Variants in PRKCI observed in about 807,000 individuals in gnomAD.
PRKCI encodes the protein protein kinase C iota, also known as protein kinase C iota type.
Under a neutral mutation model 84.0 loss-of-function variants are expected in PRKCI, and 43 were observed. The ratio of observed to expected loss-of-function variants is 0.51; its 90% CI spans 0.40 to 0.66. The LOEUF (loss-of-function observed/expected upper bound fraction) is 0.66, where lower values mean the gene tolerates loss of function less well. Ranked by LOEUF, PRKCI falls within the 30% of genes least tolerant of loss-of-function variation. PRKCI has a pLI of 0.00. For synonymous variants in PRKCI, 216 were observed against 234.4 expected (o/e 0.92, Z 0.72); for missense variants, 459 against 745.6 (o/e 0.62, Z 4.48).
intron 3 of PRKCI, 119 bp downstream of exon 3, chr3:170,260,177 C>A: frequency 1.6e-6 from 1 of 621,726 alleles, no homozygotes; most frequent in Non-Finnish European, 2.7e-6. Context: ...GTGACTCATG[C>A]CTAAGTAATT....
At chr3:170,241,044 CT>C (rs1204602688) in intron 2 of PRKCI, among the ~76,000 whole-genome samples, 1 of 151,632 alleles carries the variant, frequency 6.6e-6, no homozygotes, top group African/African-American at 2.4e-5. Flanking sequence ...GTTTTCAGTT[CT>C]TTTTTTTAAA....
chr3:170,295,811 C>G, intron 14 of PRKCI, 100 bp from the exon 15 acceptor site: 1 of 619,556 alleles, frequency 1.6e-6, no homozygotes, highest in Non-Finnish European at 2.5e-6. Flanking sequence ...CATCACTGCA[C>G]TCCAACCTGG....
chr3:170,282,843 A>T (rs1036019072), intron 11 of PRKCI, among the ~76,000 whole-genome samples: 5 of 152,010 alleles, frequency 3.3e-5, no homozygotes, highest in African/African-American at 1.2e-4. Flanking sequence ...GCAGTGGCTC[A>T]TGCCTGTAAT....
intron 8 of PRKCI, among the ~76,000 whole-genome samples, chr3:170,275,959 G>T (rs1734104021): frequency 6.8e-6 from 1 of 146,606 alleles, no homozygotes; most frequent in Non-Finnish European, 1.5e-5. Context: ...TTTGAGTTGG[G>T]GTCTTGCTGT....
At chr3:170,258,995 G>A (rs552892335) in intron 2 of PRKCI, among the ~76,000 whole-genome samples, 1 of 152,122 alleles carries the variant, frequency 6.6e-6, no homozygotes, top group East Asian at 1.9e-4. Context: ...ACTGTGGTCA[G>A]TAGCCAGGCA....
intron 12 of PRKCI, among the ~76,000 whole-genome samples, chr3:170,289,112 TCA>T: frequency 6.6e-6 from 1 of 152,332 alleles, no homozygotes; most frequent in African/African-American, 2.4e-5. Context: ...ATTCTGACAT[TCA>T]GTCAACAAGT....
chr3:170,251,913 AAAAAG>A (rs1326376013), intron 2 of PRKCI, among the ~76,000 whole-genome samples: 1 of 151,050 alleles, frequency 6.6e-6, no homozygotes, highest in Non-Finnish European at 1.5e-5. Flanking sequence ...CTCAAAAAAA[AAAAAG>A]AAATTAGGAA....
intron 13 of PRKCI, among the ~76,000 whole-genome samples, chr3:170,292,990 G>A (rs1225448713): frequency 2.0e-5 from 3 of 148,762 alleles, no homozygotes; most frequent in African/African-American, 5.0e-5. Context: ...GCAGTGAGCC[G>A]AGATTGCACC....
chr3:170,261,277 A>T (rs1733719651), intron 3 of PRKCI, among the ~76,000 whole-genome samples: 1 of 151,668 alleles, frequency 6.6e-6, no homozygotes, highest in South Asian at 2.1e-4. Flanking sequence ...GAACCTCTTA[A>T]TATACTGCAT....
chr3:170,225,556 T>C (rs1577335443), intron 1 of PRKCI, among the ~76,000 whole-genome samples: 1 of 151,700 alleles, frequency 6.6e-6, no homozygotes, highest in Non-Finnish European at 1.5e-5. Context: ...CCTCTATCCC[T>C]CTACACTTTT....
At chr3:170,260,394 AATG>A (rs1384802633) in intron 3 of PRKCI, among the ~76,000 whole-genome samples, 3 of 152,236 alleles carry the variant, frequency 2.0e-5, no homozygotes, top group Non-Finnish European at 4.4e-5. Flanking sequence ...GTATACAAAT[AATG>A]ACCTCCAAAG....
At position 170,243,712 on chromosome 3, in the gene PRKCI, G is replaced by A. The variant is rs192206988; in HGVS notation, c.223+8361G>A. ...AGGAAATTGATTCCTTTTAAAAACT[G>A]TCTATGCCTGTTAGTCCCTGAAAAG... On this transcript the variant is annotated intron_variant, in intron 2 of 17. Coordinates refer to ENST00000295797, the MANE Select transcript of PRKCI (RefSeq NM_002740.6). 3.3e-5 allele frequency among the ~76,000 whole-genome samples: 5 copies of A among 152,336 alleles called. No individual in the cohort carries two copies. The East Asian group carries it at 7.7e-4, about 23-fold the overall frequency.
At chr3:170,234,999 T>C (rs1417583242) in intron 1 of PRKCI, among the ~76,000 whole-genome samples, 1 of 151,874 alleles carries the variant, frequency 6.6e-6, no homozygotes, top group African/African-American at 2.4e-5. Context: ...AGGCTGGTCT[T>C]GAGCTCCTGG....
intron 2 of PRKCI, among the ~76,000 whole-genome samples, chr3:170,248,922 A>G (rs1248823671): frequency 1.3e-5 from 2 of 150,268 alleles, no homozygotes; most frequent in African/African-American, 2.5e-5. Context: ...ATCTCAGTTC[A>G]CTGCAAGCTC....
intron 1 of PRKCI, among the ~76,000 whole-genome samples, chr3:170,225,934 A>T (rs1265473957): frequency 1.3e-5 from 2 of 151,194 alleles, no homozygotes; most frequent in Admixed American, 1.3e-4. Flanking sequence ...TTTTTTGGAG[A>T]TGGAGTCTCG....
In PRKCI at chr3:170,280,403, G is replaced by C; in HGVS notation, c.882G>C (p.Glu294Asp). ...VVKKELVNDD[E>D]DIDWVQTEKH... ...AAAAAGAGCTTGTTAATGATGATGAGGTAAGCACTGCATATTTTATTGCTT... is the reference window on the plus strand; with the variant it reads ...AAAAAGAGCTTGTTAATGATGATGACGTAAGCACTGCATATTTTATTGCTT... Residue 294 changes from glutamate to aspartate, a missense_variant and splice_region_variant, in exon 9 of 18, where the codon GAG becomes GAC. By Grantham distance (45) the Glu-to-Asp change is conservative. Around this residue, in one of 2 missense-constraint regions of PRKCI, gnomAD observed 209 missense variants for 425.9 expected, o/e 0.49. Coordinates refer to ENST00000295797, the MANE Select transcript of PRKCI (RefSeq NM_002740.6). The C allele has an allele frequency of 6.2e-7, 1 of 1,607,868 alleles. No individual in the cohort carries two copies. Among genetic ancestry groups the C allele is most frequent in the Non-Finnish European group, 8.5e-7 (1 of 1,176,842 alleles).
At chr3:170,244,611 G>C (rs1031195834) in intron 2 of PRKCI, among the ~76,000 whole-genome samples, 3 of 152,142 alleles carry the variant, frequency 2.0e-5, no homozygotes, top group African/African-American at 4.8e-5. Flanking sequence ...CCAGGGAAAA[G>C]CTTCCCCATT....
chr3:170,301,751 A>G (rs981255645), intron 17 of PRKCI, among the ~76,000 whole-genome samples: 1 of 152,096 alleles, frequency 6.6e-6, no homozygotes, highest in Admixed American at 6.5e-5. Flanking sequence ...TCAGCCTCCT[A>G]ATTGATCTTT....
rs769677555 is a variant in PRKCI at position 170,275,305 on chromosome 3, A to C, written c.705+18A>C. ...AAAAAGAGGTAAGATAATTTGTCTT[A>C]TTGTACATTATATCATTAGCTTTTT... On this transcript the variant is annotated intron_variant, in intron 8 of 17. Coordinates refer to ENST00000295797, the MANE Select transcript of PRKCI (RefSeq NM_002740.6). The C allele has an allele frequency of 6.3e-7, 1 of 1,587,798 alleles. No individual in the cohort carries two copies.
Sources: allele counts gnomAD v4.1 joint callset (sites outside exome capture counted in the v4.1 genomes callset), GRCh38; gene constraint gnomAD v4.1.1; regional missense constraint gnomAD v4.1.1; transcripts MANE v1.5; gene names NCBI Gene and HGNC (gene_info 2026-07-23, HGNC 2026-07-21).